The following PRKCQ variants were observed in gnomAD, a reference collection of about 807,000 sequenced individuals.
PRKCQ encodes the protein protein kinase C theta type.
A neutral mutation model predicts 91.2 loss-of-function variants in PRKCQ; 41 were observed. The observed-to-expected ratio is 0.45, with a 90% CI of 0.35 to 0.58. PRKCQ has a LOEUF of 0.58. Among genes scored for constraint, PRKCQ ranks in the 20% least tolerant of loss-of-function variants. PRKCQ has a pLI of 0.00. For missense variants in PRKCQ, 673 were observed against 896.5 expected (o/e 0.75, Z 3.18); for synonymous variants, 307 against 316.9 (o/e 0.97, Z 0.33).
intron 1 of PRKCQ, among the ~76,000 whole-genome samples, chr10:6,552,610 T>G (rs973913192): frequency 6.6e-6 from 1 of 152,114 alleles, no homozygotes; most frequent in African/African-American, 2.4e-5. Flanking sequence ...ACTGCAGGCA[T>G]GCACCACCAC....
intron 1 of PRKCQ, among the ~76,000 whole-genome samples, chr10:6,573,183 C>A (rs1480280604): frequency 6.6e-6 from 1 of 152,184 alleles, no homozygotes; most frequent in Admixed American, 6.5e-5. Context: ...TGTCATTGCC[C>A]ACTAGTAGAC....
Position 6,497,727 on chromosome 10 carries a change from T to C in PRKCQ, c.543-476A>G, listed in dbSNP as rs144036656. On this transcript the variant is annotated intron_variant, in intron 5 of 17. Coordinates refer to ENST00000263125, the MANE Select transcript of PRKCQ (RefSeq NM_006257.5). This position sits in a 1 kb window ranked among gnomAD's most constrained non-coding sequence, Gnocchi z 4.5. ...CATCCATGATTAGAGAGAAAGGAGG[T>C]TCAAGTGATTAGACGAAAGCAGGCT... Among the ~76,000 whole-genome samples the C allele has an allele frequency of 2.6e-4, 40 of 151,202 alleles. No homozygotes were observed. Among genetic ancestry groups the C allele is most frequent in the African/African-American group, 9.5e-4 (39 of 41,132 alleles).
At chr10:6,493,511 C>A (rs1245577883) in intron 7 of PRKCQ, among the ~76,000 whole-genome samples, 2 of 152,252 alleles carry the variant, frequency 1.3e-5, no homozygotes, top group East Asian at 1.9e-4. Flanking sequence ...AAGATGATGT[C>A]CCCTTGAGTG....
chr10:6,480,728 T>C (rs1467289067), intron 11 of PRKCQ, among the ~76,000 whole-genome samples: 1 of 152,238 alleles, frequency 6.6e-6, no homozygotes, highest in Non-Finnish European at 1.5e-5. Context: ...CATTTGTCAT[T>C]TGTTTCTGTT....
At chr10:6,425,709 C>G (rs1833102435), downstream of PRKCQ, among the ~76,000 whole-genome samples, 1 of 152,100 alleles carries the variant, frequency 6.6e-6, no homozygotes, top group South Asian at 2.1e-4. Flanking sequence ...AATCCCAGCA[C>G]TTTGGTAGAG....
chr10:6,487,018 G>A (rs896516001), intron 8 of PRKCQ, among the ~76,000 whole-genome samples: 1 of 152,270 alleles, frequency 6.6e-6, no homozygotes, highest in East Asian at 1.9e-4. Context: ...CTCTACACAC[G>A]GTGTGGAAAC....
At chr10:6,510,956 T>C (rs758562113) in intron 3 of PRKCQ, 39 bp downstream of exon 3, 2 of 1,611,532 alleles carry the variant, frequency 1.2e-6, no homozygotes, top group South Asian at 1.1e-5. Context: ...GCTACCATCA[T>C]GCTTATCCCT....
At chr10:6,397,901 G>A in the PRKCQ span, among the ~76,000 whole-genome samples, 10 of 152,100 alleles carry the variant, frequency 6.6e-5, no homozygotes, top group Non-Finnish European at 1.2e-4. Context: ...CTCCAGCCTA[G>A]GCAACAAGCA....
chr10:6,412,063 CTT>C, the PRKCQ span, among the ~76,000 whole-genome samples: 1 of 152,174 alleles, frequency 6.6e-6, no homozygotes, highest in Non-Finnish European at 1.5e-5. Flanking sequence ...TGAGGAGAAA[CTT>C]ATTTTTTTAA....
In PRKCQ at chr10:6,430,789, G is replaced by A. The variant is rs1356551086; in HGVS notation, c.1965+21C>T. On this transcript the variant is annotated intron_variant, in intron 17 of 17. Transcript: ENST00000263125. This position sits in a 1 kb window ranked among gnomAD's most constrained non-coding sequence, Gnocchi z 4.7. ...GGAGGGAGAGTGGCTGACACCAAGCGGCCCATGAGCGAGTCCTTACCACTT... is the reference window on the plus strand; with the variant it reads ...GGAGGGAGAGTGGCTGACACCAAGCAGCCCATGAGCGAGTCCTTACCACTT... 3.7e-6 allele frequency: 6 copies of A among 1,611,092 alleles called. No homozygotes were observed. Among genetic ancestry groups the A allele is most frequent in the South Asian group, 3.3e-5 (3 of 90,716 alleles).
chr10:6,530,262 G>GC (rs1839344358), intron 1 of PRKCQ, among the ~76,000 whole-genome samples: 1 of 152,152 alleles, frequency 6.6e-6, no homozygotes, highest in African/African-American at 2.4e-5. Context: ...CATGAACTTG[G>GC]CGTCAGAGTC....
downstream of PRKCQ, among the ~76,000 whole-genome samples, chr10:6,426,560 T>C: frequency 6.6e-6 from 1 of 152,164 alleles, no homozygotes; most frequent in East Asian, 1.9e-4. Context: ...TGGACACATC[T>C]GAAGATAGAT....
intron 7 of PRKCQ, among the ~76,000 whole-genome samples, chr10:6,496,711 G>A (rs555157031): frequency 3.3e-4 from 49 of 150,100 alleles, no homozygotes; most frequent in Non-Finnish European, 5.8e-4. Flanking sequence ...GTCTCACTCT[G>A]TTGCCCAGAC....
At chr10:6,464,921 G>T (rs1201618948) in intron 12 of PRKCQ, among the ~76,000 whole-genome samples, 3 of 152,140 alleles carry the variant, frequency 2.0e-5, no homozygotes, top group African/African-American at 7.2e-5. Context: ...GAATCTAGGT[G>T]GGATGCCCTG....
At chr10:6,488,207 C>T (rs192394903) in intron 8 of PRKCQ, among the ~76,000 whole-genome samples, 241 of 152,266 alleles carry the variant, frequency 1.6e-3, no homozygotes, top group Non-Finnish European at 1.0e-3. Context: ...TGACTGGCAT[C>T]GAGCAGGCGC....
intron 1 of PRKCQ, among the ~76,000 whole-genome samples, chr10:6,566,275 A>T (rs952379457): frequency 1.8e-5 from 2 of 112,964 alleles, no homozygotes; most frequent in East Asian, 5.5e-4. Context: ...ACATGCCACC[A>T]GTGGTTGCAT....
intron 3 of PRKCQ, among the ~76,000 whole-genome samples, chr10:6,509,705 G>A (rs567153184): frequency 7.2e-5 from 11 of 152,198 alleles, no homozygotes; most frequent in East Asian, 1.9e-4. Context: ...CACCACACCC[G>A]GCCCCAGGAA....
intron 11 of PRKCQ, among the ~76,000 whole-genome samples, chr10:6,481,748 G>T (rs1836608423): frequency 6.6e-6 from 1 of 152,196 alleles, no homozygotes; most frequent in Non-Finnish European, 1.5e-5. Context: ...GGTGTATAAT[G>T]CTGCCTTTGG....
chr10:6,425,590 A>C (rs538384300), downstream of PRKCQ, among the ~76,000 whole-genome samples: 1 of 152,290 alleles, frequency 6.6e-6, no homozygotes, highest in South Asian at 2.1e-4. Context: ...AATAGAAGGA[A>C]GTAACAAGTA....
Sources: allele counts gnomAD v4.1 joint callset (sites outside exome capture counted in the v4.1 genomes callset), GRCh38; gene constraint gnomAD v4.1.1; non-coding constraint Gnocchi (gnomAD v3.1); transcripts MANE v1.5; gene names NCBI Gene and HGNC (gene_info 2026-07-23, HGNC 2026-07-21).